Variants in SLC1A5 observed in about 807,000 individuals in gnomAD.
The protein encoded by SLC1A5 is solute carrier family 1 member 5.
A neutral mutation model predicts 34.9 loss-of-function variants in SLC1A5; 25 were observed. The observed-to-expected ratio is 0.72, with a 90% confidence interval of 0.52 to 1.00. The LOEUF (loss-of-function observed/expected upper bound fraction) is 1.00, where lower values mean the gene tolerates loss of function less well. Ranked by LOEUF, SLC1A5 falls within the 50% of genes least tolerant of loss-of-function variation. The pLI, the probability that SLC1A5 is intolerant of heterozygous loss-of-function variation, is 0.00. For synonymous variants in SLC1A5, 351 were observed against 341.2 expected (o/e 1.03, Z -0.32); for missense variants, 637 against 740.0 (o/e 0.86, Z 1.61).
rs772896020 is a variant in SLC1A5, at chr19:46,782,373, C to T, written c.824+10G>A. On this transcript the variant is annotated intron_variant, in intron 4 of 7. Coordinates refer to ENST00000542575, the MANE Select transcript of SLC1A5 (RefSeq NM_005628.3). ...CCCACCCACCCCCAGCCTCCTCTCCCACCACCTACCACATGATCCAGGAGA... is the reference window on the plus strand; with the variant it reads ...CCCACCCACCCCCAGCCTCCTCTCCTACCACCTACCACATGATCCAGGAGA... 1.9e-6 allele frequency: 3 copies of T among 1,602,352 alleles called. No homozygotes were observed. Among genetic ancestry groups the T allele is most frequent in the Admixed American group, 1.7e-5 (1 of 59,484 alleles).
intron 4 of SLC1A5, 37 bp downstream of exon 4, chr19:46,782,346 A>AACCCCCCCCCCCCCCAC: frequency 3.0e-5 from 17 of 567,978 alleles, no homozygotes; most frequent in South Asian, 7.1e-5. Flanking sequence ...CGACCCTCCA[A>AACCCCCCCCCCCCCCAC]CCCCACCCAC....
intron 1 of SLC1A5, among the ~76,000 whole-genome samples, chr19:46,785,108 G>T (rs961032904): frequency 7.9e-5 from 12 of 152,080 alleles, no homozygotes; most frequent in Admixed American, 7.9e-4. Flanking sequence ...AGGCCAAGGC[G>T]CCATGGCTCT....
intron 1 of SLC1A5, chr19:46,784,945 TGA>T: frequency 2.6e-6 from 3 of 1,162,210 alleles, no homozygotes; most frequent in Non-Finnish European, 3.2e-6. Flanking sequence ...CCAGCGGCTC[TGA>T]GAGTATGGGG....
chr19:46,774,996 G>A lies in SLC1A5; in HGVS notation c.*514C>T, dbSNP rs1379238014. The A allele has an allele frequency of 1.0e-6, 1 of 986,184 alleles. No homozygotes were observed. The highest frequency in any genetic ancestry group is 1.2e-6 in the Non-Finnish European group (1 of 830,472). 61.1% of individuals were successfully genotyped at this position (986,184 alleles called of 1,614,324 possible). On this transcript the variant is annotated 3_prime_UTR_variant, in exon 8 of 8. Coordinates refer to ENST00000542575, the MANE Select transcript of SLC1A5 (RefSeq NM_005628.3). The stretch of plus-strand genomic sequence containing the variant: ...CTGGGAGTGTTTCTGTTATTGTGGA[G>A]GGAATAGGGGATCTGGGGACAGGGT...
At chr19:46,784,199 C>T (rs1215438246) in intron 2 of SLC1A5, 55 bp from the exon 3 acceptor site, 1 of 1,308,576 alleles carries the variant, frequency 7.6e-7, no homozygotes, top group East Asian at 2.3e-5. Flanking sequence ...CCTCCCAACC[C>T]CATGCCAAGC....
rs1257303031 is a variant in SLC1A5, at chr19:46,782,408, T to C, written c.799A>G (p.Met267Val). ...CACATGATCCAGGAGACCAGAACCATGGTGGCCTCATTGAAGGAGTTGAAG... is the reference window on the plus strand; with the variant it reads ...CACATGATCCAGGAGACCAGAACCACGGTGGCCTCATTGAAGGAGTTGAAG... Reference protein sequence around the residue: ...RFFNSFNEATMVLVSWIMWYA... With the variant: ...RFFNSFNEATVVLVSWIMWYA... The change falls in exon 4 of 8, where the codon ATG (methionine) becomes GTG (valine). Residue 267 changes from methionine to valine, a missense_variant. Met to Val is a conservative substitution (Grantham distance 21, BLOSUM62 1). Coordinates refer to ENST00000542575, the MANE Select transcript of SLC1A5 (RefSeq NM_005628.3). 3.7e-6 allele frequency: 5 copies of C among 1,340,982 alleles called. No homozygotes were observed. Among genetic ancestry groups the C allele is most frequent in the Non-Finnish European group, 2.0e-6 (2 of 1,017,526 alleles). The allele number at this position is 1,340,982 out of a possible 1,614,324, so 83.1% of individuals were successfully genotyped here. A position where few individuals can be genotyped will look rare whatever the true frequency, so the allele number is the denominator to read the frequency against.
At chr19:46,777,440 T>G in intron 5 of SLC1A5, 35 bp from the exon 6 acceptor site, 1 of 1,561,138 alleles carries the variant, frequency 6.4e-7, no homozygotes. Flanking sequence ...TAGGTTAACC[T>G]GCTGACCGGG....
chr19:46,781,728 A>ATTTT (rs2055147739), intron 4 of SLC1A5, among the ~76,000 whole-genome samples: 1 of 152,078 alleles, frequency 6.6e-6, no homozygotes, highest in African/African-American at 2.4e-5. Flanking sequence ...AGAAAGGCAT[A>ATTTT]TTTTCCCAGC....
chr19:46,777,088 G>T lies in SLC1A5; in HGVS notation c.1275C>A (p.Ser425Arg), dbSNP rs761800388. ...CAGCAGGGATGCCCGCTGCCCCCAC[G>T]CTGGACGCTGTGGCCGTGACCCTGA... Reference protein sequence around the residue: ...ITILVTATASSVGAAGIPAGG... With the variant: ...ITILVTATASRVGAAGIPAGG... The change falls in exon 7 of 8, where the codon AGC becomes AGA. Residue 425 changes from serine to arginine, a missense_variant. Coordinates refer to ENST00000542575, the MANE Select transcript of SLC1A5 (RefSeq NM_005628.3). 36 of 1,613,766 alleles carry T rather than the reference G, an allele frequency of 2.2e-5. No individual in the cohort carries two copies. In the South Asian group the frequency reaches 3.4e-4, roughly 15 times the overall value.
chr19:46,782,019 G>A (rs984194759), intron 4 of SLC1A5, among the ~76,000 whole-genome samples: 6 of 152,016 alleles, frequency 3.9e-5, no homozygotes, highest in African/African-American at 1.2e-4. Context: ...TCAGGTTCCC[G>A]AGTAACTGGG....
chr19:46,778,769 G>T lies in SLC1A5; in HGVS notation c.964C>A (p.Pro322Thr). The T allele has an allele frequency of 6.2e-7, 1 of 1,614,046 alleles. No homozygotes were observed. The change falls in exon 5 of 8, where the codon CCC (proline) becomes ACC (threonine). Residue 322 changes from proline to threonine, a missense_variant. By Grantham distance (38) the Pro-to-Thr change is conservative (BLOSUM62 -1). Coordinates refer to ENST00000542575, the MANE Select transcript of SLC1A5 (RefSeq NM_005628.3). ...GHAIHGLLVL[P>T]LIYFLFTRKN... ...CGGGTGAAGAGGAAGTAGATGAGGG[G>T]CAGTACCAGGAGCCCATGGATGGCG...
At chr19:46,776,206 T>C (rs887466757) in intron 7 of SLC1A5, among the ~76,000 whole-genome samples, 2 of 150,436 alleles carry the variant, frequency 1.3e-5, no homozygotes, top group Non-Finnish European at 3.0e-5. Flanking sequence ...AATTTTTTTT[T>C]TTTTTTTTTT....
At chr19:46,777,692 A>C in intron 5 of SLC1A5, among the ~76,000 whole-genome samples, 1 of 63,880 alleles carries the variant, frequency 1.6e-5, no homozygotes, top group African/African-American at 6.1e-5. Context: ...CGCCCATACC[A>C]CTTGCCCAGC....
intron 4 of SLC1A5, 41 bp downstream of exon 4, chr19:46,782,342 T>TACAAACCCCCCCCCCCCCCCCCCCA: frequency 1.9e-6 from 1 of 523,372 alleles, no homozygotes. Context: ...AGACCGACCC[T>TACAAACCCCCCCCCCCCCCCCCCCA]CCAACCCCAC....
chr19:46,778,896 C>T lies in SLC1A5; in HGVS notation c.837G>A (p.Val279=), dbSNP rs1474757908. Residue 279 remains valine (V), a synonymous_variant, in exon 5 of 8, where the codon GTG becomes GTA. Coordinates refer to ENST00000542575, the MANE Select transcript of SLC1A5 (RefSeq NM_005628.3). ...TGCCAGCCACCAGGAACATGATGCCCACAGGGGCGTACCTGATCAGTAACA... is the reference window on the plus strand; with the variant it reads ...TGCCAGCCACCAGGAACATGATGCCTACAGGGGCGTACCTGATCAGTAACA... ...LVSWIMWYAP[V]GIMFLVAGKI... The T allele has an allele frequency of 1.3e-6, 2 of 1,573,220 alleles. No individual in the cohort carries two copies. The highest frequency in any genetic ancestry group is 2.7e-5 in the African/African-American group (2 of 74,178).
Position 46,775,645 on chromosome 19 carries a change from C to G in SLC1A5, c.1491G>C (p.Glu497Asp). The part of the protein sequence containing the change: ...DRTESRSTEP[E>D]LIQVKSELPL... ...GCAGCTCACTCTTCACTTGTATCAA[C>G]TCAGGCTCTGTGCTTCTCGACTCCG... Residue 497 changes from glutamate (E) to aspartate (D), a missense_variant, in exon 8 of 8, where the codon GAG (glutamate) becomes GAC (aspartate). Coordinates refer to ENST00000542575, the MANE Select transcript of SLC1A5 (RefSeq NM_005628.3). 6.2e-7 allele frequency: 1 copy of G among 1,614,154 alleles called. No individual in the cohort carries two copies. Among genetic ancestry groups the G allele is most frequent in the Non-Finnish European group, 8.5e-7 (1 of 1,180,032 alleles).
At chr19:46,776,924 C>T (rs1470252973) in intron 7 of SLC1A5, 51 bp downstream of exon 7, 5 of 1,580,628 alleles carry the variant, frequency 3.2e-6, no homozygotes, top group Non-Finnish European at 4.3e-6. Flanking sequence ...CACTCATCCT[C>T]TTTCCCAGGG....
chr19:46,788,098 G>T lies in SLC1A5; in HGVS notation c.-133C>A. 1.3e-6 allele frequency: 1 copy of T among 778,272 alleles called. No individual in the cohort carries two copies. Among genetic ancestry groups the T allele is most frequent in the Non-Finnish European group, 2.0e-6 (1 of 495,530 alleles). The allele number at this position is 778,272 out of a possible 1,614,324, so 48.2% of individuals were successfully genotyped here. On this transcript the variant is annotated 5_prime_UTR_variant, in exon 1 of 8. Coordinates refer to ENST00000542575, the MANE Select transcript of SLC1A5 (RefSeq NM_005628.3). Reference sequence around the variant, plus strand: ...GACTGGAACTTTGGAGGGCTCCTTAGAGTTGTGAGTTCACAGCACTGAAGT... The same window carrying T: ...GACTGGAACTTTGGAGGGCTCCTTATAGTTGTGAGTTCACAGCACTGAAGT...
At chr19:46,776,030 C>T (rs570028777) in intron 7 of SLC1A5, among the ~76,000 whole-genome samples, 7 of 151,678 alleles carry the variant, frequency 4.6e-5, no homozygotes, top group Admixed American at 2.0e-4. Context: ...GCAGTGATCA[C>T]AACCATGATC....
Sources: allele counts gnomAD v4.1 joint callset (sites outside exome capture counted in the v4.1 genomes callset), GRCh38; gene constraint gnomAD v4.1.1; transcripts MANE v1.5; gene names NCBI Gene and HGNC (gene_info 2026-07-23, HGNC 2026-07-21).